Variants in TRIO observed in about 807,000 individuals in gnomAD.
TRIO encodes the protein triple functional domain protein.
Under a neutral mutation model 351.9 loss-of-function variants are expected in TRIO, and 58 were observed. That is an observed-to-expected ratio of 0.16 (90% CI 0.13 to 0.21). The LOEUF is 0.21. TRIO is among the 10% of genes least tolerant of loss of function. The probability of loss-of-function intolerance (pLI) is 1.00; values close to 1 mark genes in which losing one functional copy is unlikely to be tolerated. For synonymous variants in TRIO, 1,758 were observed against 1,595.7 expected, an observed-to-expected ratio of 1.10 and a Z score of -2.42; for missense variants, 3,201 against 4,027.8, an observed-to-expected ratio of 0.79 and a Z score of 5.56.
chr5:14,459,324 A>G (rs1401917534), intron 34 of TRIO, among the ~76,000 whole-genome samples: 1 of 152,232 alleles, frequency 6.6e-6, no homozygotes, highest in Non-Finnish European at 1.5e-5. Flanking sequence ...CCCTACAGGT[A>G]TCTGTGCAAA....
At chr5:14,171,811 T>C (rs779558130) in intron 1 of TRIO, among the ~76,000 whole-genome samples, 4 of 152,114 alleles carry the variant, frequency 2.6e-5, no homozygotes, top group Non-Finnish European at 4.4e-5. Context: ...TTAGTAGATA[T>C]GTGGACCTAG....
rs773291288 is a variant in TRIO, at chr5:14,406,682, T to C, written c.4959+10T>C. 6.5e-5 allele frequency: 105 copies of C among 1,613,228 alleles called. No homozygotes were observed. Among genetic ancestry groups the C allele is most frequent in the East Asian group, 1.1e-4 (5 of 44,866 alleles). ...GCTGGACAGCGATAAGGTGAGTCAC[T>C]GCCGGCACTTTGTGTGCGGAGGGGA... On this transcript the variant is annotated intron_variant, in intron 33 of 56. Coordinates refer to ENST00000344204, the MANE Select transcript of TRIO (RefSeq NM_007118.4).
At chr5:14,419,341 G>C (rs544302140) in intron 33 of TRIO, among the ~76,000 whole-genome samples, 3 of 152,104 alleles carry the variant, frequency 2.0e-5, no homozygotes, top group Admixed American at 6.5e-5. Context: ...GTTCAGTCCC[G>C]TTCTTGTGGC....
intron 9 of TRIO, among the ~76,000 whole-genome samples, chr5:14,323,875 A>G (rs1223954853): frequency 6.6e-6 from 1 of 152,358 alleles, no homozygotes; most frequent in African/African-American, 2.4e-5. Flanking sequence ...AATATTGACT[A>G]TCCTTACAGC....
At chr5:14,478,897 G>C (rs1755306544) in intron 41 of TRIO, among the ~76,000 whole-genome samples, 1 of 152,120 alleles carries the variant, frequency 6.6e-6, no homozygotes, top group Admixed American at 6.5e-5. Flanking sequence ...GAAGTTTAAG[G>C]CTTCCGTGAG....
chr5:14,292,973 T>C, intron 5 of TRIO, 39 bp from the exon 6 acceptor site: 4 of 1,613,424 alleles, frequency 2.5e-6, no homozygotes, highest in Non-Finnish European at 3.4e-6. Flanking sequence ...TAATTTCTCT[T>C]TCTGGAGTGA....
intron 1 of TRIO, among the ~76,000 whole-genome samples, chr5:14,191,307 T>C (rs377552161): frequency 1.3e-5 from 2 of 152,316 alleles, no homozygotes; most frequent in African/African-American, 4.8e-5. Context: ...TAATAAGAAG[T>C]AAAGGCCAGG....
In TRIO at chr5:14,496,907, C is replaced by A; in HGVS notation, c.7909C>A (p.Arg2637Ser). Residue 2637 changes from arginine to serine, a missense_variant, in exon 50 of 57, where the codon CGT (arginine) becomes AGT (serine). Around this residue, in one of 19 missense-constraint regions of TRIO, gnomAD observed 1,089 missense variants for 954.9 expected, o/e 1.14. Transcript: ENST00000344204. The part of the protein sequence containing the change: ...KKSTSWHTAL[R>S]LRKKSEKKDK... The stretch of plus-strand genomic sequence containing the variant: ...GTCAACATCTTGGCACACAGCACTC[C>A]GTTTAAGGAAAAAATCTGAGAAAAA... 2 of 1,614,058 alleles carry A rather than the reference C, an allele frequency of 1.2e-6. No individual in the cohort carries two copies. Among genetic ancestry groups the A allele is most frequent in the Non-Finnish European group, 1.7e-6 (2 of 1,180,012 alleles).
chr5:14,390,500 G>A (rs937167693), intron 26 of TRIO, 200 bp downstream of exon 26: 1 of 597,230 alleles, frequency 1.7e-6, no homozygotes, highest in Admixed American at 3.3e-5. Flanking sequence ...CCCTGGTGAT[G>A]GTTTGAAATA....
chr5:14,461,297 G>C lies in TRIO; in HGVS notation c.5482G>C (p.Glu1828Gln). The change falls in exon 35 of 57, where the codon GAG (glutamate) becomes CAG (glutamine). Residue 1828 changes from glutamate to glutamine, a missense_variant. Glu to Gln is a conservative substitution (Grantham distance 29, BLOSUM62 2). Around this residue, in one of 19 missense-constraint regions of TRIO, gnomAD observed 193 missense variants for 218.8 expected, o/e 0.88. Transcript: ENST00000344204. ...SDDSAATPQDETVEERGRNEG... is the reference protein window; with the variant it reads ...SDDSAATPQDQTVEERGRNEG... ...CGACAGTGCGGCCACCCCGCAGGAC[G>C]AGACGGTCGAGGAGGTGAGGCTCTG... 6.3e-7 allele frequency: 1 copy of C among 1,580,516 alleles called. No individual in the cohort carries two copies. Among genetic ancestry groups the C allele is most frequent in the Non-Finnish European group, 8.6e-7 (1 of 1,163,174 alleles).
intron 1 of TRIO, among the ~76,000 whole-genome samples, chr5:14,191,895 A>G (rs1272756369): frequency 6.6e-6 from 1 of 152,234 alleles, no homozygotes; most frequent in Non-Finnish European, 1.5e-5. Flanking sequence ...TTTGTATTCA[A>G]TAACAACTCT....
intron 1 of TRIO, among the ~76,000 whole-genome samples, chr5:14,181,669 T>C (rs999088602): frequency 1.3e-5 from 2 of 152,196 alleles, no homozygotes; most frequent in South Asian, 2.1e-4. Flanking sequence ...GCCATTTCAG[T>C]GTCCTGAAAA....
intron 34 of TRIO, among the ~76,000 whole-genome samples, chr5:14,430,400 G>A (rs374045080): frequency 1.3e-5 from 2 of 152,132 alleles, no homozygotes; most frequent in Admixed American, 6.5e-5. Flanking sequence ...ACATTTTTGC[G>A]CTTTTATTTT....
At chr5:14,285,912 C>G (rs1736405184) in intron 3 of TRIO, among the ~76,000 whole-genome samples, 2 of 152,176 alleles carry the variant, frequency 1.3e-5, no homozygotes, top group South Asian at 4.2e-4. Context: ...TTGTTCCTTA[C>G]TGTAGGGCCA....
chr5:14,465,541 G>T lies in TRIO; in HGVS notation c.5668-4G>T, dbSNP rs1561523417. ...CCCCCTCCTTTTCTTAATTTCTTCTGTAGGCCTCTTCTCGGTTATTAGTCC... is the reference window on the plus strand; with the variant it reads ...CCCCCTCCTTTTCTTAATTTCTTCTTTAGGCCTCTTCTCGGTTATTAGTCC... On this transcript the variant is annotated splice_region_variant and splice_polypyrimidine_tract_variant and intron_variant, in intron 36 of 56. Coordinates refer to ENST00000344204, the MANE Select transcript of TRIO (RefSeq NM_007118.4). 1.2e-6 allele frequency: 2 copies of T among 1,613,050 alleles called. No individual in the cohort carries two copies. The highest frequency in any genetic ancestry group is 1.7e-6 in the Non-Finnish European group (2 of 1,179,696).
At chr5:14,226,162 C>T (rs939014630) in intron 1 of TRIO, among the ~76,000 whole-genome samples, 2 of 152,126 alleles carry the variant, frequency 1.3e-5, no homozygotes. Context: ...GAGATGGGCT[C>T]CTCCTGATGG....
intron 1 of TRIO, among the ~76,000 whole-genome samples, chr5:14,267,636 C>T (rs975537420): frequency 6.6e-6 from 1 of 152,166 alleles, no homozygotes; most frequent in Non-Finnish European, 1.5e-5. Flanking sequence ...GGGCATGGAA[C>T]ACAGCCTGCC....
chr5:14,498,008 A>G lies in TRIO; in HGVS notation c.8048-81A>G, dbSNP rs142281902. On this transcript the variant is annotated intron_variant, in intron 51 of 56. Transcript: ENST00000344204. ...AGGCGTGCATAGCAGGTTAGGTCCTATCAATCTGTCGGGGACATGTGGGTG... is the reference window on the plus strand; with the variant it reads ...AGGCGTGCATAGCAGGTTAGGTCCTGTCAATCTGTCGGGGACATGTGGGTG... The G allele has an allele frequency of 5.6e-4, 910 of 1,611,100 alleles. 4 individuals are homozygous for G. The African/African-American group carries it at 0.011, about 19-fold the overall frequency.
intron 41 of TRIO, among the ~76,000 whole-genome samples, chr5:14,478,420 G>A (rs955165118): frequency 2.0e-5 from 3 of 152,170 alleles, no homozygotes; most frequent in Admixed American, 6.5e-5. Context: ...ACATCTTAGT[G>A]GTATTTAGAA....
Sources: gnomAD v4.1 joint callset for allele counts (sites outside exome capture counted in the v4.1 genomes callset) on GRCh38, gnomAD v4.1.1 for gene constraint, gnomAD v4.1.1 regional missense constraint, MANE v1.5 for transcripts, NCBI Gene and HGNC (gene_info 2026-07-23, HGNC 2026-07-21) for gene names.